Variants in MYO7A observed in about 807,000 individuals in gnomAD.
MYO7A encodes myosin VIIA.
A neutral mutation model predicts 263.8 loss-of-function variants in MYO7A; 210 were observed. The ratio of observed to expected loss-of-function variants is 0.80; its 90% confidence interval spans 0.71 to 0.89. The LOEUF (loss-of-function observed/expected upper bound fraction) is 0.89, where lower values mean the gene tolerates loss of function less well. Among genes scored for constraint, MYO7A ranks in the 40% least tolerant of loss-of-function variants. MYO7A has a pLI of 0.00. For missense variants in MYO7A, 2,820 were observed against 2,968.3 expected, an observed-to-expected ratio of 0.95 and a Z score of 1.16; for synonymous variants, 1,239 against 1,197.3, an observed-to-expected ratio of 1.03 and a Z score of -0.72.
intron 3 of MYO7A, among the ~76,000 whole-genome samples, chr11:77,146,218 C>G (rs782387722): frequency 2.0e-5 from 3 of 152,178 alleles, no homozygotes; most frequent in Non-Finnish European, 4.4e-5. Context: ...AACCCGTGTT[C>G]CCTGGCTAGG....
At chr11:77,209,052 C>T in intron 44 of MYO7A, 2 of 529,802 alleles carry the variant, frequency 3.8e-6, no homozygotes, top group South Asian at 2.5e-5. Context: ...CTGTTCAGGC[C>T]CCTCCTTCAG....
chr11:77,178,228 CCCAT>C (rs1426304782), intron 19 of MYO7A, among the ~76,000 whole-genome samples: 1 of 123,390 alleles, frequency 8.1e-6, no homozygotes, highest in Non-Finnish European at 1.7e-5. Flanking sequence ...CACCTATTCA[CCCAT>C]CCATCCATCC....
intron 37 of MYO7A, 30 bp downstream of exon 37, chr11:77,202,454 A>C (rs1276160966): frequency 1.3e-6 from 2 of 1,546,660 alleles, no homozygotes; most frequent in Non-Finnish European, 1.7e-6. Flanking sequence ...GATGGGAGCC[A>C]CAGGGCTAGG....
chr11:77,183,377 T>G (rs1955418938), intron 26 of MYO7A, among the ~76,000 whole-genome samples: 2 of 150,408 alleles, frequency 1.3e-5, no homozygotes, highest in African/African-American at 2.5e-5. Context: ...AGGCCGGGGG[T>G]GGGAAGGGCT....
chr11:77,194,622 G>A (rs1385810709), intron 32 of MYO7A, 98 bp downstream of exon 32: 7 of 1,318,568 alleles, frequency 5.3e-6, no homozygotes, highest in Middle Eastern at 2.5e-4. Context: ...GGCTGCGGGG[G>A]ATGGGATGGC....
chr11:77,147,991 GGCCCCGCCCCGCCCACCTC>G, intron 4 of MYO7A, 41 bp downstream of exon 4: 4 of 1,470,548 alleles, frequency 2.7e-6, no homozygotes, highest in Non-Finnish European at 3.6e-6. Context: ...GGCCCCCTCA[GGCCCCGCCCCGCCCACCTC>G]GCCCCACCCC....
chr11:77,155,797 G>A, intron 4 of MYO7A, 110 bp from the exon 5 acceptor site: 1 of 1,257,080 alleles, frequency 8.0e-7, no homozygotes, highest in Non-Finnish European at 1.1e-6. Flanking sequence ...TGACTCCAAA[G>A]CCAGGACTCT....
intron 2 of MYO7A, among the ~76,000 whole-genome samples, chr11:77,141,450 T>C (rs1227372006): frequency 1.3e-5 from 2 of 151,948 alleles, no homozygotes; most frequent in African/African-American, 4.9e-5. Context: ...TATAAGTTGT[T>C]ACATTTTTTT....
chr11:77,193,137 TTGG>T (rs1956325218), intron 31 of MYO7A, among the ~76,000 whole-genome samples: 3 of 134,032 alleles, frequency 2.2e-5, no homozygotes, highest in Non-Finnish European at 4.7e-5. Context: ...AGCGATGCTG[TTGG>T]TGATCGTGGA....
intron 39 of MYO7A, 43 bp from the exon 40 acceptor site, chr11:77,205,419 C>G: frequency 1.3e-6 from 2 of 1,540,824 alleles, no homozygotes; most frequent in South Asian, 2.4e-5. Context: ...CTGTGACTCC[C>G]GATGGCAGCT....
chr11:77,178,248 T>C (rs1213650145), intron 19 of MYO7A, among the ~76,000 whole-genome samples: 11 of 126,620 alleles, frequency 8.7e-5, no homozygotes, highest in East Asian at 2.7e-4. Context: ...CATCCATCCA[T>C]CCACCCGCCC....
rs1323610651 is a variant in MYO7A, at chr11:77,199,588, C to T, written c.4622C>T (p.Pro1541Leu). 8 of 1,578,590 alleles carry T rather than the reference C, an allele frequency of 5.1e-6. No homozygotes were observed. Among genetic ancestry groups the T allele is most frequent in the African/African-American group, 2.7e-5 (2 of 74,308 alleles). ...LGCSDLGCAA[P>L]HSGWAGLTPA... ...TGCTCTGATCTTGGCTGTGCTGCGC[C>T]TCACTCAGGCTGGGCAGGACTGACC... Residue 1541 changes from proline (P) to leucine (L), a missense_variant, in exon 35 of 49, where the codon CCT (proline) becomes CTT (leucine). Physicochemically the swap from Pro to Leu is moderately conservative, Grantham distance 98. Coordinates refer to ENST00000409709, the MANE Select transcript of MYO7A (RefSeq NM_000260.4).
chr11:77,136,303 T>TG (rs1950901335), intron 2 of MYO7A, among the ~76,000 whole-genome samples: 2 of 152,242 alleles, frequency 1.3e-5, no homozygotes, highest in African/African-American at 4.8e-5. Flanking sequence ...GTCACCTCTC[T>TG]GTTGCTGCTT....
At chr11:77,152,694 G>A (rs782648328) in intron 4 of MYO7A, among the ~76,000 whole-genome samples, 12 of 152,118 alleles carry the variant, frequency 7.9e-5, no homozygotes, top group South Asian at 2.1e-4. Context: ...CTTATGTGCC[G>A]TGCATGGTGC....
Position 77,192,058 on chromosome 11 carries a change from C to T in MYO7A, c.3932C>T (p.Ser1311Phe). Residue 1311 changes from serine to phenylalanine, a missense_variant, in exon 31 of 49, where the codon TCC (serine) becomes TTC (phenylalanine). Ser to Phe is a radical substitution (Grantham distance 155). Transcript: ENST00000409709. ...LYIALFDKVS[S>F]LGSGSDHVMD... ...TCCCCTCTGTGCCCACAGGTGTCCTCCCTGGGCAGCGGCAGTGACCACGTC... is the reference window on the plus strand; with the variant it reads ...TCCCCTCTGTGCCCACAGGTGTCCTTCCTGGGCAGCGGCAGTGACCACGTC... 1 of 1,612,996 alleles carries T rather than the reference C, an allele frequency of 6.2e-7. No individual in the cohort carries two copies. Among genetic ancestry groups the T allele is most frequent in the East Asian group, 2.2e-5 (1 of 44,866 alleles).
In MYO7A at chr11:77,142,793, C is replaced by A; in HGVS notation, c.103C>A (p.Gln35Lys). The change falls in exon 3 of 49, where the codon CAG (glutamine) becomes AAG (lysine). Residue 35 changes from glutamine (Q) to lysine (K), a missense_variant. By Grantham distance (53) the Gln-to-Lys change is moderately conservative. Transcript: ENST00000409709. The part of the protein sequence containing the change: ...GAVVKLCDSG[Q>K]VQVVDDEDNE... ...GGTGGTGAAGCTCTGCGACTCTGGG[C>A]AGGTCCAGGTGGTGGATGATGAAGA... 6.2e-7 allele frequency: 1 copy of A among 1,609,968 alleles called. No homozygotes were observed. The highest frequency in any genetic ancestry group is 1.1e-5 in the South Asian group (1 of 89,672).
At chr11:77,172,306 C>T (rs1954171675) in intron 15 of MYO7A, among the ~76,000 whole-genome samples, 1 of 152,224 alleles carries the variant, frequency 6.6e-6, no homozygotes, top group Admixed American at 6.5e-5. Context: ...AGTGGTGGGC[C>T]AGGGCTTGAA....
At chr11:77,186,686 C>T (rs1479011711) in intron 27 of MYO7A, among the ~76,000 whole-genome samples, 1 of 152,212 alleles carries the variant, frequency 6.6e-6, no homozygotes, top group African/African-American at 2.4e-5. Flanking sequence ...AATGTTGTGG[C>T]TGGTTTGATC....
chr11:77,174,082 C>G (rs1555078375), intron 16 of MYO7A, among the ~76,000 whole-genome samples: 2 of 152,078 alleles, frequency 1.3e-5, no homozygotes. Context: ...GGCCCAGTCT[C>G]TCCCTGCTCT....
Sources: gnomAD v4.1 joint callset for allele counts (sites outside exome capture counted in the v4.1 genomes callset) on GRCh38, gnomAD v4.1.1 for gene constraint, MANE v1.5 for transcripts, NCBI Gene and HGNC (gene_info 2026-07-23, HGNC 2026-07-21) for gene names.